DDX10: variants seen among roughly 807,000 people sequenced by gnomAD.
DDX10 encodes the protein probable ATP-dependent RNA helicase DDX10.
A neutral mutation model predicts 104.3 loss-of-function variants in DDX10; 74 were observed. The observed-to-expected ratio is 0.71, with a 90% CI of 0.59 to 0.86. DDX10 has a LOEUF of 0.86. Among genes scored for constraint, DDX10 ranks in the 40% least tolerant of loss-of-function variants. The probability of loss-of-function intolerance (pLI) is 0.00; values close to 1 mark genes in which losing one functional copy is unlikely to be tolerated. For missense variants in DDX10, 952 were observed against 1,040.0 expected (o/e 0.92, Z 1.16); for synonymous variants, 351 against 353.4 (o/e 0.99, Z 0.08).
Position 108,723,164 on chromosome 11 carries a change from T to A in DDX10, c.1667T>A (p.Met556Lys). Residue 556 changes from methionine (M) to lysine (K), a missense_variant, in exon 13 of 18, where the codon ATG (methionine) becomes AAG (lysine). Physicochemically the swap from Met to Lys is moderately conservative, Grantham distance 95. This residue lies in a region of DDX10 where 533 missense variants were observed against 534.1 expected (regional missense o/e 1.00). Coordinates refer to ENST00000322536, the MANE Select transcript of DDX10 (RefSeq NM_004398.4). ...EEFRAYFNEK[M>K]SILQKGGKRL... Reference sequence around the variant, plus strand: ...TTTAGAGCCTACTTCAATGAGAAAATGTCCATCCTTCAAAAAGGTGGAAAA... The same window carrying A: ...TTTAGAGCCTACTTCAATGAGAAAAAGTCCATCCTTCAAAAAGGTGGAAAA... 1.2e-6 allele frequency: 2 copies of A among 1,613,606 alleles called. No individual in the cohort carries two copies. The highest frequency in any genetic ancestry group is 1.7e-6 in the Non-Finnish European group (2 of 1,179,862).
In DDX10 at chr11:108,760,229, T is replaced by C. The variant is rs557407055; in HGVS notation, c.1965+36767T>C. On this transcript the variant is annotated intron_variant, in intron 13 of 17. Transcript: ENST00000322536. ...TATTTTATATATTGGATTGAATTTT[T>C]ATGGATGTTATTTGTCTTAACAAAA... Among the ~76,000 whole-genome samples, 14 of 152,176 alleles carry C rather than the reference T, an allele frequency of 9.2e-5. No individual in the cohort carries two copies. In the South Asian group the frequency reaches 1.2e-3, roughly 14 times the overall value.
At chr11:108,672,062 GAAA>G (rs55845865) in intron 1 of DDX10, among the ~76,000 whole-genome samples, 147 of 68,628 alleles carry the variant, frequency 2.1e-3, no homozygotes, top group African/African-American at 7.7e-3. Flanking sequence ...CTCCATCTCG[GAAA>G]AAAAAAAAAA....
intron 6 of DDX10, among the ~76,000 whole-genome samples, chr11:108,681,885 C>T (rs4754345): frequency 0.12 from 18,588 of 152,046 alleles, 1,545 homozygotes; most frequent in East Asian, 0.27. Flanking sequence ...AAACATTAAT[C>T]ATTATGAAAT....
intron 13 of DDX10, among the ~76,000 whole-genome samples, chr11:108,802,889 A>G (rs1326194655): frequency 2.6e-5 from 4 of 152,224 alleles, no homozygotes; most frequent in Admixed American, 1.3e-4. Context: ...AATCCCCTAG[A>G]CTTGGGTGTA....
chr11:108,754,028 T>C (rs148451403), intron 13 of DDX10, among the ~76,000 whole-genome samples: 6 of 152,008 alleles, frequency 3.9e-5, no homozygotes, highest in African/African-American at 1.4e-4. Flanking sequence ...TCTTTTGCAT[T>C]TAGTGTTGAC....
chr11:108,857,164 A>AT (rs764081754), intron 16 of DDX10, among the ~76,000 whole-genome samples: 1 of 152,120 alleles, frequency 6.6e-6, no homozygotes, highest in Non-Finnish European at 1.5e-5. Flanking sequence ...TTATTGTCCT[A>AT]TGCCCTTTCT....
At chr11:108,896,439 G>A (rs1193580715) in intron 16 of DDX10, among the ~76,000 whole-genome samples, 1 of 151,598 alleles carries the variant, frequency 6.6e-6, no homozygotes, top group Non-Finnish European at 1.5e-5. Flanking sequence ...CACATTTTCT[G>A]TGGTGTGTTA....
intron 13 of DDX10, among the ~76,000 whole-genome samples, chr11:108,725,982 A>G (rs769891999): frequency 6.6e-6 from 1 of 151,938 alleles, no homozygotes; most frequent in Non-Finnish European, 1.5e-5. Context: ...GTCAAGGTAC[A>G]CTTTTTTTTG....
intron 17 of DDX10, among the ~76,000 whole-genome samples, chr11:108,923,778 A>G (rs933855086): frequency 1.3e-5 from 2 of 152,308 alleles, no homozygotes; most frequent in Admixed American, 6.5e-5. Flanking sequence ...GATGGGTCCA[A>G]TCTAGGCCTG....
intron 16 of DDX10, among the ~76,000 whole-genome samples, chr11:108,911,377 A>G (rs1189373680): frequency 6.6e-6 from 1 of 152,120 alleles, no homozygotes; most frequent in African/African-American, 2.4e-5. Flanking sequence ...AGGTGCCAGC[A>G]GATACAGGGT....
intron 15 of DDX10, among the ~76,000 whole-genome samples, chr11:108,846,813 G>T (rs1012447406): frequency 8.7e-6 from 1 of 115,190 alleles, no homozygotes; most frequent in African/African-American, 3.2e-5. Context: ...AACTGGTTTA[G>T]AGTACAAACC....
rs575058090 is a variant in DDX10, at chr11:108,707,004, A to G, written c.1322+167A>G. 5.3e-5 allele frequency among the ~76,000 whole-genome samples: 8 copies of G among 152,326 alleles called. No homozygotes were observed. The South Asian group carries it at 1.5e-3, about 28-fold the overall frequency. The stretch of plus-strand genomic sequence containing the variant: ...CAGTTTTAGGTTCACAGGAAAATTG[A>G]GAGGAAGATAGATTTCTCATATACC... On this transcript the variant is annotated intron_variant, in intron 10 of 17. Transcript: ENST00000322536.
At chr11:108,807,728 A>G (rs1329446968) in intron 13 of DDX10, among the ~76,000 whole-genome samples, 2 of 152,182 alleles carry the variant, frequency 1.3e-5, no homozygotes, top group Non-Finnish European at 2.9e-5. Context: ...TGGGTCTGGA[A>G]CACTAGAGAG....
At chr11:108,745,499 A>C (rs907003665) in intron 13 of DDX10, among the ~76,000 whole-genome samples, 1 of 151,988 alleles carries the variant, frequency 6.6e-6, no homozygotes, top group Admixed American at 6.6e-5. Flanking sequence ...TGGCCTTCCA[A>C]AGTGTTAAGA....
At chr11:108,746,534 ATTAT>A (rs2094332103) in intron 13 of DDX10, among the ~76,000 whole-genome samples, 1 of 151,926 alleles carries the variant, frequency 6.6e-6, no homozygotes, top group Non-Finnish European at 1.5e-5. Flanking sequence ...AGTGGACATA[ATTAT>A]TCATTTCTTT....
At chr11:108,728,971 C>CT (rs960913168) in intron 13 of DDX10, among the ~76,000 whole-genome samples, 2 of 152,066 alleles carry the variant, frequency 1.3e-5, no homozygotes, top group Admixed American at 1.3e-4. Flanking sequence ...GGTTAATATC[C>CT]TTTTTTTGAA....
intron 16 of DDX10, among the ~76,000 whole-genome samples, chr11:108,872,049 A>G (rs953068581): frequency 1.3e-5 from 2 of 152,258 alleles, no homozygotes; most frequent in African/African-American, 4.8e-5. Context: ...GTAGCAATTT[A>G]CAAAAATGAC....
chr11:108,681,896 G>T (rs2094235795), intron 6 of DDX10, among the ~76,000 whole-genome samples: 1 of 152,036 alleles, frequency 6.6e-6, no homozygotes, highest in Non-Finnish European at 1.5e-5. Context: ...ATTATGAAAT[G>T]CTTCTTTTTT....
chr11:108,860,867 G>A (rs910519335), intron 16 of DDX10: 1 of 152,066 alleles, frequency 6.6e-6, no homozygotes, highest in Non-Finnish European at 1.5e-5. Flanking sequence ...TTAAAAGGAA[G>A]GGAAGGCTCC....
Sources: allele counts gnomAD v4.1 joint callset (sites outside exome capture counted in the v4.1 genomes callset), GRCh38; gene constraint gnomAD v4.1.1; regional missense constraint gnomAD v4.1.1; transcripts MANE v1.5; gene names NCBI Gene and HGNC (gene_info 2026-07-23, HGNC 2026-07-21).